INTS7: variants seen among roughly 807,000 people sequenced by gnomAD.
The protein encoded by INTS7 is chromosome 1 open reading frame 73.
INTS7 carries 46 observed loss-of-function variants against 109.2 expected under a neutral mutation model. That is an observed-to-expected ratio of 0.42 (90% CI 0.33 to 0.54). The LOEUF (loss-of-function observed/expected upper bound fraction) is 0.54, where lower values mean the gene tolerates loss of function less well. Ranked by LOEUF, INTS7 falls within the 20% of genes least tolerant of loss-of-function variation. The pLI is 0.07. For missense variants in INTS7, 929 were observed against 1,132.4 expected (o/e 0.82, Z 2.58); for synonymous variants, 412 against 402.9 (o/e 1.02, Z -0.27).
intron 7 of INTS7, among the ~76,000 whole-genome samples, chr1:211,997,082 A>C (rs574709326): frequency 5.9e-5 from 9 of 152,168 alleles, no homozygotes; most frequent in Admixed American, 3.3e-4. Flanking sequence ...AAGACTACAA[A>C]TTGGGTACAG....
intron 3 of INTS7, among the ~76,000 whole-genome samples, chr1:212,018,480 A>G (rs1004096549): frequency 5.6e-5 from 8 of 142,366 alleles, no homozygotes; most frequent in African/African-American, 7.9e-5. Context: ...GTTAAATTCT[A>G]TTCTTTTCTA....
intron 10 of INTS7, among the ~76,000 whole-genome samples, chr1:211,979,925 T>C (rs766820094): frequency 9.2e-5 from 14 of 152,322 alleles, no homozygotes; most frequent in South Asian, 2.1e-4. Flanking sequence ...TCAGAGAATG[T>C]ATTGTGTTCC....
intron 7 of INTS7, among the ~76,000 whole-genome samples, chr1:211,999,817 A>C (rs1424079354): frequency 1.3e-5 from 2 of 152,174 alleles, no homozygotes; most frequent in Non-Finnish European, 2.9e-5. Context: ...AAAAGGGGAT[A>C]TATAGGCCGG....
At chr1:211,963,352 C>G (rs1276750948) in intron 16 of INTS7, among the ~76,000 whole-genome samples, 1 of 151,880 alleles carries the variant, frequency 6.6e-6, no homozygotes, top group Non-Finnish European at 1.5e-5. Flanking sequence ...AATAAACAGC[C>G]TACCAACCAA....
At chr1:212,009,492 G>A (rs1266020540) in intron 5 of INTS7, among the ~76,000 whole-genome samples, 1 of 152,102 alleles carries the variant, frequency 6.6e-6, no homozygotes, top group Admixed American at 6.5e-5. Flanking sequence ...TTATTCCCTG[G>A]TTCTCTCACT....
chr1:211,979,308 T>C (rs1664548740), intron 10 of INTS7, among the ~76,000 whole-genome samples: 1 of 152,162 alleles, frequency 6.6e-6, no homozygotes, highest in Admixed American at 6.5e-5. Context: ...TAGCCATCAG[T>C]GGGGTGTCAG....
chr1:212,021,040 T>C (rs199817949), intron 2 of INTS7, 43 bp downstream of exon 2: 13 of 1,546,170 alleles, frequency 8.4e-6, no homozygotes, highest in African/African-American at 1.4e-5. Context: ...ACAAGAAATA[T>C]GAACAAAGTA....
chr1:211,941,642 C>G lies in INTS7; in HGVS notation c.*182G>C, dbSNP rs896020877. The G allele has an allele frequency of 6.1e-6, 5 of 818,528 alleles. No homozygotes were observed. In the East Asian group the frequency reaches 1.1e-4, roughly 18 times the overall value. 50.7% of individuals were successfully genotyped at this position (818,528 alleles called of 1,614,324 possible). A position where few individuals can be genotyped will look rare whatever the true frequency, so the allele number is the denominator to read the frequency against. On this transcript the variant is annotated 3_prime_UTR_variant, in exon 20 of 20. Transcript: ENST00000366994. The stretch of plus-strand genomic sequence containing the variant: ...GTGCTGGGATTACAGGCGTGAGCAA[C>G]CACGCCCAGCTGTCAGACAAAATTT...
At position 212,022,212 on chromosome 1, in the gene INTS7, TAGA is replaced by T. The variant is rs578041637; in HGVS notation, c.95-1003_95-1001del. Among the ~76,000 whole-genome samples, 15 of 152,344 alleles carry T rather than the reference TAGA, an allele frequency of 9.8e-5. 1 individual carries two copies. The East Asian group carries it at 2.3e-3, about 23-fold the overall frequency. On this transcript the variant is annotated intron_variant, in intron 1 of 19. Transcript: ENST00000366994. The stretch of plus-strand genomic sequence containing the variant: ...GTAAGAGCTAAAATTATAAACTATG[TAGA>T]AGAAGACATAGAGACAATTTTTATG...
chr1:211,999,051 C>T (rs58628059), intron 7 of INTS7, among the ~76,000 whole-genome samples: 5,209 of 152,168 alleles, frequency 0.034, 300 homozygotes, highest in African/African-American at 0.12. Flanking sequence ...AAAATGGTAT[C>T]GCAATTTTGG....
intron 7 of INTS7, among the ~76,000 whole-genome samples, chr1:211,996,493 C>T (rs191414066): frequency 1.3e-5 from 2 of 152,172 alleles, no homozygotes; most frequent in African/African-American, 2.4e-5. Flanking sequence ...AGTGATCCTA[C>T]AATGGGCCAC....
At chr1:212,001,571 G>A (rs892799959) in intron 7 of INTS7, among the ~76,000 whole-genome samples, 9 of 152,074 alleles carry the variant, frequency 5.9e-5, no homozygotes, top group African/African-American at 1.9e-4. Flanking sequence ...AATCTCCAGC[G>A]GATACTGAGA....
chr1:212,027,162 G>A (rs1197368498), intron 1 of INTS7, among the ~76,000 whole-genome samples: 1 of 152,150 alleles, frequency 6.6e-6, no homozygotes, highest in African/African-American at 2.4e-5. Context: ...CCGAAGGACA[G>A]GAGCTAAGGT....
At chr1:211,990,794 G>A (rs1391270377) in intron 7 of INTS7, among the ~76,000 whole-genome samples, 1 of 152,162 alleles carries the variant, frequency 6.6e-6, no homozygotes, top group Admixed American at 6.5e-5. Context: ...TAAGATGGGG[G>A]GGATTAGGCC....
intron 8 of INTS7, among the ~76,000 whole-genome samples, chr1:211,986,771 T>C (rs769303938): frequency 3.3e-5 from 5 of 152,182 alleles, no homozygotes; most frequent in Non-Finnish European, 7.3e-5. Context: ...AAATGATTAG[T>C]TGAGTCCAAG....
rs774910946 is a variant in INTS7 at position 212,017,067 on chromosome 1, G to A, written c.372-44C>T. ...CCAAGAAGATCGGGCATAAAATAAA[G>A]TCAAGGTCAGAAAAGTAAGAGGCAA... On this transcript the variant is annotated intron_variant, in intron 3 of 19. Coordinates refer to ENST00000366994, the MANE Select transcript of INTS7 (RefSeq NM_015434.4). 2.6e-6 allele frequency: 4 copies of A among 1,512,288 alleles called. No individual in the cohort carries two copies. The South Asian group carries it at 5.3e-5, about 20-fold the overall frequency. 93.7% of individuals were successfully genotyped at this position (1,512,288 alleles called of 1,614,324 possible).
intron 16 of INTS7, among the ~76,000 whole-genome samples, chr1:211,962,260 T>TAAAA (rs35134976): frequency 2.1e-3 from 163 of 79,142 alleles, no homozygotes; most frequent in Middle Eastern, 0.021. Context: ...CAACAAAGAT[T>TAAAA]AAAAAAAAAA....
intron 5 of INTS7, among the ~76,000 whole-genome samples, chr1:212,008,215 C>T (rs1401490628): frequency 6.6e-6 from 1 of 152,166 alleles, no homozygotes; most frequent in Non-Finnish European, 1.5e-5. Context: ...ATGGCCTCTA[C>T]TTGGGTTTGC....
intron 8 of INTS7, among the ~76,000 whole-genome samples, chr1:211,984,831 A>T (rs1664823188): frequency 6.6e-6 from 1 of 152,004 alleles, no homozygotes; most frequent in African/African-American, 2.4e-5. Context: ...TTTCTCTTTA[A>T]ATATTGTATC....
Sources: allele counts gnomAD v4.1 joint callset (sites outside exome capture counted in the v4.1 genomes callset), GRCh38; gene constraint gnomAD v4.1.1; transcripts MANE v1.5; gene names NCBI Gene and HGNC (gene_info 2026-07-23, HGNC 2026-07-21).